The following TECRL variants were observed in gnomAD, a reference collection of about 807,000 sequenced individuals.
TECRL encodes the protein trans-2,3-enoyl-CoA reductase like, also known as trans-2,3-enoyl-CoA reductase-like.
Under a neutral mutation model 52.8 loss-of-function variants are expected in TECRL, and 63 were observed. The ratio of observed to expected loss-of-function variants is 1.19; its 90% CI spans 0.97 to 1.47. The LOEUF is 1.47. TECRL is among the 40% of genes most tolerant of loss of function. The pLI is 0.00. For synonymous variants in TECRL, 164 were observed against 141.9 expected (o/e 1.16, Z -1.10); for missense variants, 482 against 429.6 (o/e 1.12, Z -1.08).
At chr4:64,370,747 C>A (rs1560536136) in intron 2 of TECRL, among the ~76,000 whole-genome samples, 3 of 151,428 alleles carry the variant, frequency 2.0e-5, no homozygotes, top group African/African-American at 4.8e-5. Context: ...TTAAAAATTG[C>A]CAAAACATGT....
chr4:64,370,158 A>G (rs1342588891), intron 2 of TECRL, among the ~76,000 whole-genome samples: 1 of 151,890 alleles, frequency 6.6e-6, no homozygotes, highest in Non-Finnish European at 1.5e-5. Context: ...TTTTAAAGGT[A>G]GTTCAAATGG....
intron 2 of TECRL, among the ~76,000 whole-genome samples, chr4:64,367,714 A>G (rs969522906): frequency 6.6e-6 from 1 of 152,194 alleles, no homozygotes; most frequent in Non-Finnish European, 1.5e-5. Context: ...TTGAAGAATA[A>G]TAACAGTATA....
At chr4:64,397,963 A>G (rs1441299255) in intron 1 of TECRL, among the ~76,000 whole-genome samples, 1 of 151,862 alleles carries the variant, frequency 6.6e-6, no homozygotes, top group Non-Finnish European at 1.5e-5. Context: ...GTGCCCAATG[A>G]CTTATATTTA....
At chr4:64,380,565 A>C (rs1722713406) in intron 1 of TECRL, among the ~76,000 whole-genome samples, 1 of 152,002 alleles carries the variant, frequency 6.6e-6, no homozygotes, top group Non-Finnish European at 1.5e-5. Flanking sequence ...ATCAATTTTC[A>C]GTTGAGTTTT....
At chr4:64,364,482 A>T (rs10022117) in intron 2 of TECRL, among the ~76,000 whole-genome samples, 1,904 of 152,164 alleles carry the variant, frequency 0.013, 47 homozygotes, top group African/African-American at 0.043. Flanking sequence ...TTTATTTTTT[A>T]AAATAATAAA....
At chr4:64,382,586 C>G (rs572953172) in intron 1 of TECRL, among the ~76,000 whole-genome samples, 50 of 151,650 alleles carry the variant, frequency 3.3e-4, no homozygotes, top group Non-Finnish European at 1.5e-4. Flanking sequence ...CATTTTCAGT[C>G]TATATATGTT....
intron 2 of TECRL, among the ~76,000 whole-genome samples, chr4:64,352,023 A>G (rs1044178514): frequency 1.3e-5 from 2 of 152,160 alleles, no homozygotes; most frequent in African/African-American, 4.8e-5. Flanking sequence ...TTGAACTAAT[A>G]TTGATTGCCA....
chr4:64,392,460 C>A (rs1723613896), intron 1 of TECRL, among the ~76,000 whole-genome samples: 1 of 151,894 alleles, frequency 6.6e-6, no homozygotes, highest in South Asian at 2.1e-4. Context: ...AAACTCCAGA[C>A]TCTCTGAATG....
chr4:64,383,186 T>C (rs1174144970), intron 1 of TECRL, among the ~76,000 whole-genome samples: 1 of 152,106 alleles, frequency 6.6e-6, no homozygotes. Flanking sequence ...TCTCTTGCTG[T>C]TTTTTTAGTA....
intron 1 of TECRL, among the ~76,000 whole-genome samples, chr4:64,385,802 G>A (rs1240746508): frequency 1.3e-5 from 2 of 152,124 alleles, no homozygotes; most frequent in African/African-American, 2.4e-5. Context: ...TACTAGTCTT[G>A]GGGCCCATGA....
intron 2 of TECRL, among the ~76,000 whole-genome samples, chr4:64,352,444 C>T (rs1044113289): frequency 2.0e-5 from 3 of 152,134 alleles, no homozygotes; most frequent in Non-Finnish European, 4.4e-5. Flanking sequence ...CTAAATTTTA[C>T]AGGAAGCCTG....
chr4:64,376,590 T>G (rs1722413142), intron 1 of TECRL, among the ~76,000 whole-genome samples: 1 of 151,994 alleles, frequency 6.6e-6, no homozygotes, highest in Non-Finnish European at 1.5e-5. Context: ...TCTTATTCAT[T>G]CAGCACCTTT....
At chr4:64,366,480 T>G (rs375371186) in intron 2 of TECRL, among the ~76,000 whole-genome samples, 15 of 152,068 alleles carry the variant, frequency 9.9e-5, no homozygotes, top group East Asian at 7.7e-4. Flanking sequence ...ATGAACAACC[T>G]ACAGAATGGG....
chr4:64,380,900 A>AT (rs1315014292), intron 1 of TECRL, among the ~76,000 whole-genome samples: 1 of 151,990 alleles, frequency 6.6e-6, no homozygotes, highest in Non-Finnish European at 1.5e-5. Context: ...TTCCATATAG[A>AT]TTTTAAGATT....
intron 1 of TECRL, among the ~76,000 whole-genome samples, chr4:64,378,578 A>G (rs554440584): frequency 1.3e-5 from 2 of 152,192 alleles, no homozygotes; most frequent in East Asian, 3.9e-4. Flanking sequence ...ATGGACAAGG[A>G]TTTTCTCAGT....
At chr4:64,388,450 G>T (rs1723326316) in intron 1 of TECRL, among the ~76,000 whole-genome samples, 1 of 151,772 alleles carries the variant, frequency 6.6e-6, no homozygotes, top group African/African-American at 2.4e-5. Context: ...TTGAAGTAAG[G>T]TGACGTCAGT....
chr4:64,280,766 CGTT>C (rs1722783723), intron 11 of TECRL, among the ~76,000 whole-genome samples: 1 of 152,092 alleles, frequency 6.6e-6, no homozygotes, highest in African/African-American at 2.4e-5. Context: ...AAGCGAAATG[CGTT>C]GTTATCAAAA....
chr4:64,292,887 A>G (rs879764199), intron 8 of TECRL, among the ~76,000 whole-genome samples: 1 of 152,118 alleles, frequency 6.6e-6, no homozygotes, highest in Non-Finnish European at 1.5e-5. Flanking sequence ...AAAATCCACT[A>G]GGTGCTAGTG....
intron 5 of TECRL, 150 bp from the exon 6 acceptor site, chr4:64,310,081 T>G (rs1244654476): frequency 1.9e-6 from 1 of 535,926 alleles, no homozygotes; most frequent in East Asian, 3.3e-5. Context: ...TGCTTTAATA[T>G]TTTATTTTCA....
Sources: allele counts gnomAD v4.1 joint callset (sites outside exome capture counted in the v4.1 genomes callset), GRCh38; gene constraint gnomAD v4.1.1; transcripts MANE v1.5; gene names NCBI Gene and HGNC (gene_info 2026-07-23, HGNC 2026-07-21).